The following SEC14L3 variants were observed in gnomAD, a reference collection of about 807,000 sequenced individuals.
SEC14L3 encodes SEC14-like protein 3.
SEC14L3 carries 56 observed loss-of-function variants against 57.4 expected under a neutral mutation model. The observed-to-expected ratio is 0.97, with a 90% CI of 0.79 to 1.22. The LOEUF is 1.22. Ranked by LOEUF, SEC14L3 falls within the 50% of genes most tolerant of loss-of-function variation. The pLI is 0.00. For synonymous variants in SEC14L3, 173 were observed against 194.4 expected, an observed-to-expected ratio of 0.89 and a Z score of 0.92; for missense variants, 485 against 511.7, an observed-to-expected ratio of 0.95 and a Z score of 0.50.
Position 30,459,627 on chromosome 22 carries a change from T to C in SEC14L3, c.*394A>G, listed in dbSNP as rs1312150799. 1 of 1,003,692 alleles carries C rather than the reference T, an allele frequency of 1.0e-6. No individual in the cohort carries two copies. The highest frequency in any genetic ancestry group is 5.2e-5 in the Admixed American group (1 of 19,140). The allele number at this position is 1,003,692 out of a possible 1,614,324, so 62.2% of individuals were successfully genotyped here. A position where few individuals can be genotyped will look rare whatever the true frequency, so the allele number is the denominator to read the frequency against. ...ATATACACTGAGCATCTACTATATATAGGGAGTGGAAGTAAAAAGGATTTA... is the reference window on the plus strand; with the variant it reads ...ATATACACTGAGCATCTACTATATACAGGGAGTGGAAGTAAAAAGGATTTA... On this transcript the variant is annotated 3_prime_UTR_variant, in exon 12 of 12. Coordinates refer to ENST00000215812, the MANE Select transcript of SEC14L3 (RefSeq NM_174975.5).
downstream of SEC14L3, among the ~76,000 whole-genome samples, chr22:30,456,744 G>A (rs1010206412): frequency 1.3e-5 from 2 of 152,120 alleles, no homozygotes; most frequent in African/African-American, 2.4e-5. Context: ...CTACAAAGTG[G>A]GTCTCTTTCC....
At chr22:30,454,648 T>C (rs1446644984), downstream of SEC14L3, among the ~76,000 whole-genome samples, 1 of 107,430 alleles carries the variant, frequency 9.3e-6, no homozygotes, top group Non-Finnish European at 1.7e-5. Context: ...ATATAATCTA[T>C]AATATTACTA....
intron 8 of SEC14L3, among the ~76,000 whole-genome samples, chr22:30,463,657 C>T (rs1036734768): frequency 6.6e-6 from 1 of 152,184 alleles, no homozygotes; most frequent in Non-Finnish European, 1.5e-5. Context: ...TCCCCCTCAC[C>T]CCTGGATCCT....
Position 30,468,530 on chromosome 22 carries a change from T to A in SEC14L3, c.401A>T (p.Glu134Val). The stretch of plus-strand genomic sequence containing the variant: ...CACCCTCTCTGTCTGCAGGTCACAC[T>A]CATGCAGGATGCGCTCACAGTCCCT... Reference protein sequence around the residue: ...KMRDCERILHECDLQTERLGK... With the variant: ...KMRDCERILHVCDLQTERLGK... Residue 134 changes from glutamate to valine, a missense_variant, in exon 5 of 12, where the codon GAG becomes GTG. Transcript: ENST00000215812. The A allele has an allele frequency of 6.2e-7, 1 of 1,613,480 alleles. No individual in the cohort carries two copies. Among genetic ancestry groups the A allele is most frequent in the East Asian group, 2.2e-5 (1 of 44,814 alleles).
chr22:30,454,897 AG>A (rs1266607382), downstream of SEC14L3, among the ~76,000 whole-genome samples: 3 of 16,728 alleles, frequency 1.8e-4, no homozygotes, highest in African/African-American at 1.0e-3. Context: ...ATTATATAAT[AG>A]ATATATAATA....
rs886349682 is a variant in SEC14L3, at chr22:30,449,114, C to T, written c.1035G>A (p.Arg345=). The T allele has an allele frequency of 1.6e-5, 25 of 1,550,516 alleles. No individual in the cohort carries two copies. The East Asian group carries it at 5.9e-4, about 36-fold the overall frequency. Residue 345 remains arginine, a synonymous_variant, in exon 13 of 13, where the codon AGG becomes AGA. Coordinates refer to the SEC14L3 transcript ENST00000403066. Reference sequence around the variant, plus strand: ...AGTTACTGGCAGGGAGGGGTAAAGGCCTACTTAGCTTGCATTTTCGTACCA... The same window carrying T: ...AGTTACTGGCAGGGAGGGGTAAAGGTCTACTTAGCTTGCATTTTCGTACCA...
intron 8 of SEC14L3, 60 bp downstream of exon 8, chr22:30,464,760 G>C (rs1935364881): frequency 6.6e-7 from 1 of 1,509,036 alleles, no homozygotes; most frequent in African/African-American, 1.4e-5. Flanking sequence ...TGGGGTAATG[G>C]GACAACCTCA....
chr22:30,470,195 G>C lies in SEC14L3; in HGVS notation c.174+17C>G. The C allele has an allele frequency of 6.2e-7, 1 of 1,614,112 alleles. No homozygotes were observed. Among genetic ancestry groups the C allele is most frequent in the Non-Finnish European group, 8.5e-7 (1 of 1,180,004 alleles). On this transcript the variant is annotated intron_variant, in intron 3 of 11. Coordinates refer to ENST00000215812, the MANE Select transcript of SEC14L3 (RefSeq NM_174975.5). ...GACAAATCCCCTCCATAAATTTCCA[G>C]AGTGGATAGGTCTCACCTTGCGGAG... is the stretch of plus-strand genomic sequence containing the variant.
At chr22:30,458,877 C>T (rs552229227), downstream of SEC14L3, among the ~76,000 whole-genome samples, 3 of 152,218 alleles carry the variant, frequency 2.0e-5, no homozygotes, top group African/African-American at 7.2e-5. Context: ...TGGTGATGCC[C>T]ACCTGTAGTC....
At chr22:30,459,222 C>T (rs941181185), downstream of SEC14L3, 139 of 971,616 alleles carry the variant, frequency 1.4e-4, no homozygotes, top group South Asian at 1.5e-3. Context: ...AGAGAGCACT[C>T]GCCAAATGAT....
chr22:30,468,460 C>T, intron 5 of SEC14L3, 48 bp downstream of exon 5: 6 of 1,458,090 alleles, frequency 4.1e-6, no homozygotes, highest in Non-Finnish European at 1.9e-6. Context: ...ATCCCCCCGG[C>T]AGCCTCACCT....
chr22:30,458,249 T>C (rs1043487571), downstream of SEC14L3, among the ~76,000 whole-genome samples: 3 of 152,228 alleles, frequency 2.0e-5, no homozygotes, highest in Non-Finnish European at 4.4e-5. Context: ...TCTGGAGTCC[T>C]GGCCTTTGCC....
rs531534611 is a variant in SEC14L3 at position 30,464,372 on chromosome 22, T to G, written c.664+448A>C. ...GCAGGGAAAAGAGCAAAGGTAACAC[T>G]CTTTAGGGTAAAACCCACTTCACTG... On this transcript the variant is annotated intron_variant, in intron 8 of 11. Coordinates refer to ENST00000215812, the MANE Select transcript of SEC14L3 (RefSeq NM_174975.5). Among the ~76,000 whole-genome samples the G allele has an allele frequency of 3.0e-4, 45 of 152,316 alleles. 1 individual carries two copies. In the South Asian group the frequency reaches 7.3e-3, roughly 25 times the overall value.
rs534258803 is a variant in SEC14L3 at position 30,470,055 on chromosome 22, C to T, written c.198G>A (p.Met66Ile). ...GCCAATCAAGGATATGGTCAATATC[C>T]ATGGTCTTCCGGAACTCCATGTACT... ...LRKYMEFRKT[M>I]DIDHILDWQP... Residue 66 changes from methionine (M) to isoleucine (I), a missense_variant, in exon 4 of 12, where the codon ATG becomes ATA. Transcript: ENST00000215812. The T allele has an allele frequency of 4.4e-6, 7 of 1,594,308 alleles. No individual in the cohort carries two copies. In the African/African-American group the frequency reaches 8.1e-5, roughly 18 times the overall value.
Position 30,461,473 on chromosome 22 carries a change from C to G in SEC14L3, c.918G>C (p.Gln306His). The G allele has an allele frequency of 6.2e-7, 1 of 1,613,434 alleles. No homozygotes were observed. Among genetic ancestry groups the G allele is most frequent in the East Asian group, 2.2e-5 (1 of 44,882 alleles). The change falls in exon 11 of 12, where the codon CAG becomes CAC. Residue 306 changes from glutamine to histidine, a missense_variant. Coordinates refer to ENST00000215812, the MANE Select transcript of SEC14L3 (RefSeq NM_174975.5). ...CGATGTCCGCACCATCAGATGAGAA[C>G]TGCCACCTGTCAGGGGGAGGGGGAG... is the stretch of plus-strand genomic sequence containing the variant. ...ILFPGCVLRWQFSSDGADIGF... is the reference protein window; with the variant it reads ...ILFPGCVLRWHFSSDGADIGF...
Position 30,459,999 on chromosome 22 carries a change from C to A in SEC14L3, c.*22G>T. 6.2e-7 allele frequency: 1 copy of A among 1,612,704 alleles called. No individual in the cohort carries two copies. Among genetic ancestry groups the A allele is most frequent in the East Asian group, 2.2e-5 (1 of 44,850 alleles). ...CAGAGAAATCAAAGGGTTAGGAGGT[C>A]TCTGAGAAATGAGGGAGCCACCTAG... On this transcript the variant is annotated 3_prime_UTR_variant, in exon 12 of 12. Transcript: ENST00000215812.
chr22:30,448,529 T>C (rs147576948), exon 13 of SEC14L3: 1 of 142,746 alleles, frequency 7.0e-6, no homozygotes, highest in East Asian at 2.0e-4. Flanking sequence ...ATGCAGTAGA[T>C]GCTCAGTAAA....
downstream of SEC14L3, among the ~76,000 whole-genome samples, chr22:30,454,987 T>G (rs867029751): frequency 2.8e-5 from 2 of 70,242 alleles, no homozygotes; most frequent in African/African-American, 6.1e-5. Flanking sequence ...TTATTATATA[T>G]TATATATTAT....
intron 4 of SEC14L3, among the ~76,000 whole-genome samples, 193 bp downstream of exon 4, chr22:30,469,826 A>C (rs4820858): frequency 0.71 from 107,547 of 152,094 alleles, 39,065 homozygotes; most frequent in African/African-American, 0.87. Flanking sequence ...AAAGAAGCTC[A>C]TGCTGCTAAC....
Sources: gnomAD v4.1 joint callset for allele counts (sites outside exome capture counted in the v4.1 genomes callset) on GRCh38, gnomAD v4.1.1 for gene constraint, MANE v1.5 for transcripts, NCBI Gene and HGNC (gene_info 2026-07-23, HGNC 2026-07-21) for gene names.